RUNDC3B: variants seen among roughly 807,000 people sequenced by gnomAD.
RUNDC3B encodes the protein RUN domain containing 3B, also known as RUN domain-containing protein 3B.
RUNDC3B carries 33 observed loss-of-function variants against 58.4 expected under a neutral mutation model. The observed-to-expected ratio is 0.56, with a 90% CI of 0.43 to 0.75. The LOEUF (loss-of-function observed/expected upper bound fraction) is 0.75. Among genes scored for constraint, RUNDC3B ranks in the 30% least tolerant of loss-of-function variants. The pLI is 0.00. For synonymous variants in RUNDC3B, 193 were observed against 195.2 expected (o/e 0.99, Z 0.10); for missense variants, 501 against 535.7 (o/e 0.94, Z 0.64).
chr7:87,667,280 G>A (rs912867032), intron 2 of RUNDC3B, among the ~76,000 whole-genome samples: 1 of 151,914 alleles, frequency 6.6e-6, no homozygotes, highest in Middle Eastern at 3.2e-3. Flanking sequence ...TGATTTGGCT[G>A]TAAGTTTGGC....
intron 6 of RUNDC3B, among the ~76,000 whole-genome samples, chr7:87,760,425 A>G (rs148435030): frequency 1.3e-5 from 2 of 152,160 alleles, no homozygotes; most frequent in Non-Finnish European, 2.9e-5. Flanking sequence ...TGCAGATTCA[A>G]TTCAGTTGCT....
chr7:87,717,497 A>T lies in RUNDC3B; in HGVS notation c.458+6842A>T, dbSNP rs1411852845. ...CTACCTTAACTGAGGTATATGTATA[A>T]TAAAAGGACAAGGAGGAAGTAACCA... On this transcript the variant is annotated intron_variant, in intron 4 of 10. Coordinates refer to ENST00000394654, the MANE Select transcript of RUNDC3B (RefSeq NM_001134405.2). Among the ~76,000 whole-genome samples, 6 of 152,112 alleles carry T rather than the reference A, an allele frequency of 3.9e-5. No individual in the cohort carries two copies. In the East Asian group the frequency reaches 9.6e-4, roughly 24 times the overall value.
At chr7:87,728,284 C>G (rs1264389380) in intron 4 of RUNDC3B, among the ~76,000 whole-genome samples, 6 of 152,178 alleles carry the variant, frequency 3.9e-5, no homozygotes, top group Non-Finnish European at 5.9e-5. Flanking sequence ...CAAAACACTT[C>G]AAACTTTCTC....
chr7:87,649,430 T>G (rs1317573604), intron 1 of RUNDC3B, among the ~76,000 whole-genome samples: 1 of 152,122 alleles, frequency 6.6e-6, no homozygotes, highest in Non-Finnish European at 1.5e-5. Context: ...AGATGAAGAT[T>G]GAAAACACAA....
intron 10 of RUNDC3B, among the ~76,000 whole-genome samples, chr7:87,828,077 C>CT (rs904688617): frequency 1.3e-5 from 2 of 151,982 alleles, no homozygotes; most frequent in Non-Finnish European, 2.9e-5. Context: ...TTATTGATAA[C>CT]TTTTTTTTGT....
intron 1 of RUNDC3B, 97 bp downstream of exon 1, chr7:87,629,042 G>A (rs1820917525): frequency 1.8e-6 from 2 of 1,115,824 alleles, no homozygotes; most frequent in East Asian, 3.2e-5. Context: ...ATGATGGGCT[G>A]CCGCCCAGTG....
intron 1 of RUNDC3B, among the ~76,000 whole-genome samples, chr7:87,649,366 G>A (rs944363463): frequency 6.6e-6 from 1 of 152,200 alleles, no homozygotes; most frequent in Non-Finnish European, 1.5e-5. Context: ...AGGTGCTGAG[G>A]GAGATACATA....
chr7:87,720,442 A>G (rs1451879434), intron 4 of RUNDC3B, among the ~76,000 whole-genome samples: 3 of 151,980 alleles, frequency 2.0e-5, no homozygotes, highest in Admixed American at 2.0e-4. Flanking sequence ...TTTTGGTTTT[A>G]TCCAAAAAAT....
chr7:87,744,264 C>A (rs1156970847), intron 6 of RUNDC3B, among the ~76,000 whole-genome samples: 2 of 151,982 alleles, frequency 1.3e-5, no homozygotes, highest in African/African-American at 4.8e-5. Flanking sequence ...CAAATTTGTT[C>A]TTTTTGCTTA....
At chr7:87,755,116 G>A (rs181279491) in intron 6 of RUNDC3B, among the ~76,000 whole-genome samples, 124 of 151,250 alleles carry the variant, frequency 8.2e-4, no homozygotes, top group African/African-American at 2.7e-3. Flanking sequence ...TCTGCCTCCC[G>A]GGTTCAAGTG....
chr7:87,676,696 C>T (rs1040810845), intron 2 of RUNDC3B, among the ~76,000 whole-genome samples: 1 of 138,792 alleles, frequency 7.2e-6, no homozygotes, highest in African/African-American at 2.7e-5. Context: ...AGAGCAAGAC[C>T]CTGTCTCAAA....
At chr7:87,669,417 C>CT (rs1425169770) in intron 2 of RUNDC3B, among the ~76,000 whole-genome samples, 1 of 151,990 alleles carries the variant, frequency 6.6e-6, no homozygotes, top group African/African-American at 2.4e-5. Context: ...TTGGGTCTTG[C>CT]TTTTTTATCC....
chr7:87,741,026 G>A (rs572310736), intron 5 of RUNDC3B, among the ~76,000 whole-genome samples: 166 of 152,092 alleles, frequency 1.1e-3, no homozygotes, highest in Admixed American at 1.8e-3. Context: ...CCAACGTGGC[G>A]AAACCCTGTC....
At chr7:87,714,718 A>C (rs1012526866) in intron 4 of RUNDC3B, among the ~76,000 whole-genome samples, 1 of 152,118 alleles carries the variant, frequency 6.6e-6, no homozygotes, top group African/African-American at 2.4e-5. Flanking sequence ...TAGAAGAGCC[A>C]TGGCAAGATG....
rs937484465 is a variant in RUNDC3B, at chr7:87,686,693, A to G, written c.239-13728A>G. Among the ~76,000 whole-genome samples, 3 of 151,756 alleles carry G rather than the reference A, an allele frequency of 2.0e-5. No individual in the cohort carries two copies. The South Asian group carries it at 6.2e-4, about 32-fold the overall frequency. The stretch of plus-strand genomic sequence containing the variant: ...AGTGGCTCATGCCTGTAATCCCAGC[A>G]CTTTGGGAGCCAAGGCAGGCAGATC... On this transcript the variant is annotated intron_variant, in intron 2 of 10. Coordinates refer to ENST00000394654, the MANE Select transcript of RUNDC3B (RefSeq NM_001134405.2).
chr7:87,656,889 A>T (rs1393768657), intron 2 of RUNDC3B, among the ~76,000 whole-genome samples: 1 of 152,138 alleles, frequency 6.6e-6, no homozygotes, highest in Non-Finnish European at 1.5e-5. Context: ...ATTCAATTGT[A>T]TTTATTGAGT....
At chr7:87,724,694 T>A (rs1831110342) in intron 4 of RUNDC3B, among the ~76,000 whole-genome samples, 1 of 152,074 alleles carries the variant, frequency 6.6e-6, no homozygotes, top group Non-Finnish European at 1.5e-5. Flanking sequence ...GTCATAGTAA[T>A]CAAAATAATC....
intron 6 of RUNDC3B, among the ~76,000 whole-genome samples, chr7:87,758,441 A>G (rs1833492402): frequency 6.6e-6 from 1 of 152,238 alleles, no homozygotes; most frequent in South Asian, 2.1e-4. Flanking sequence ...TAATACCTCA[A>G]AAGTACAGGC....
chr7:87,715,554 A>G (rs1021109515), intron 4 of RUNDC3B, among the ~76,000 whole-genome samples: 3 of 141,166 alleles, frequency 2.1e-5, no homozygotes, highest in Non-Finnish European at 4.5e-5. Flanking sequence ...TATTAATATA[A>G]TATATTAAAG....
Sources: gnomAD v4.1 joint callset for allele counts (sites outside exome capture counted in the v4.1 genomes callset) on GRCh38, gnomAD v4.1.1 for gene constraint, MANE v1.5 for transcripts, NCBI Gene and HGNC (gene_info 2026-07-23, HGNC 2026-07-21) for gene names.